ZNF221: variants seen among roughly 807,000 people sequenced by gnomAD.
ZNF221 encodes zinc finger protein 221.
ZNF221 carries 10 observed loss-of-function variants against 12.6 expected under a neutral mutation model. The observed-to-expected ratio is 0.79, with a 90% CI of 0.49 to 1.34. The LOEUF (loss-of-function observed/expected upper bound fraction) is 1.34, where lower values mean the gene tolerates loss of function less well. Ranked by LOEUF, ZNF221 falls within the 40% of genes most tolerant of loss-of-function variation. ZNF221 has a pLI of 0.00. For synonymous variants in ZNF221, 232 were observed against 244.0 expected (o/e 0.95, Z 0.46); for missense variants, 661 against 721.4 (o/e 0.92, Z 0.96).
chr19:43,971,466 C>A (rs1360948319), downstream of ZNF221, among the ~76,000 whole-genome samples: 1 of 152,042 alleles, frequency 6.6e-6, no homozygotes, highest in African/African-American at 2.4e-5. Context: ...GAAGTGCAAG[C>A]TGGATAAAGA....
downstream of ZNF221, among the ~76,000 whole-genome samples, chr19:43,971,484 C>T (rs1312496836): frequency 6.6e-6 from 1 of 152,036 alleles, no homozygotes; most frequent in Non-Finnish European, 1.5e-5. Flanking sequence ...AGAGCCAAGA[C>T]CGATTGATAC....
Position 43,967,354 on chromosome 19 carries a change from T to C in ZNF221, c.1852T>C (p.Ter618GlnextTer2), listed in dbSNP as rs1974995456. 1 of 1,607,368 alleles carries C rather than the reference T, an allele frequency of 6.2e-7. No homozygotes were observed. Among genetic ancestry groups the C allele is most frequent in the Non-Finnish European group, 8.5e-7 (1 of 1,176,458 alleles). The change falls in exon 5 of 5, where the codon TAA (stop) becomes CAA (glutamine). Residue 618 changes from the stop codon to glutamine (Q), a stop_lost. Transcript: ENST00000587682. The part of the protein sequence containing the change: ...SVSLCGRKAI[*>Q] Reference sequence around the variant, plus strand: ...AAGTCTATGTGGGAGAAAAGCCATATAAATGTGAGAAGTGTGGGAAGGGCT... The same window carrying C: ...AAGTCTATGTGGGAGAAAAGCCATACAAATGTGAGAAGTGTGGGAAGGGCT...
intron 1 of ZNF221, 118 bp from the exon 2 acceptor site, chr19:43,962,607 A>G (rs1974863739): frequency 2.0e-6 from 2 of 990,044 alleles, no homozygotes; most frequent in Admixed American, 1.9e-5. Flanking sequence ...GTTTGGGGTT[A>G]TGAGTAATGC....
the ZNF221 span, among the ~76,000 whole-genome samples, chr19:43,975,277 C>G: frequency 6.6e-6 from 1 of 152,106 alleles, no homozygotes; most frequent in Non-Finnish European, 1.5e-5. Context: ...TTCAAAATAA[C>G]AAAGACATGG....
chr19:43,979,755 T>G, the ZNF221 span, among the ~76,000 whole-genome samples: 1 of 152,196 alleles, frequency 6.6e-6, no homozygotes, highest in Non-Finnish European at 1.5e-5. Flanking sequence ...GTTTCAACGC[T>G]GACCAAAAGA....
At chr19:43,961,688 G>A (rs778644443) in intron 1 of ZNF221, 4 of 152,204 alleles carry the variant, frequency 2.6e-5, no homozygotes, top group Non-Finnish European at 5.9e-5. Context: ...GCTTTTAGGT[G>A]TCACATTTCT....
downstream of ZNF221, among the ~76,000 whole-genome samples, chr19:43,970,033 C>A (rs1037657702): frequency 2.0e-5 from 3 of 152,144 alleles, no homozygotes; most frequent in Admixed American, 6.5e-5. Flanking sequence ...GTCAGTATCC[C>A]CCTGGGACAG....
chr19:43,969,334 CTTTTTTTTTTTTTTTTTT>C (rs60512580), downstream of ZNF221, among the ~76,000 whole-genome samples: 4 of 57,968 alleles, frequency 6.9e-5, no homozygotes, highest in Non-Finnish European at 1.2e-4. Context: ...CAGACTGCTG[CTTTTTTTTTTTTTTTTTT>C]TTTTTTTTTT....
chr19:43,951,565 G>A lies in ZNF221; in HGVS notation c.-3+165G>A, dbSNP rs139096920. ...ATCCGCATCCCTCCACTACTGGCGCGGGGCCGATTCCCCCGGTACAACGTT... is the reference window on the plus strand; with the variant it reads ...ATCCGCATCCCTCCACTACTGGCGCAGGGCCGATTCCCCCGGTACAACGTT... On this transcript the variant is annotated intron_variant, in intron 1 of 4. Transcript: ENST00000587682. 4.4e-4 allele frequency among the ~76,000 whole-genome samples: 67 copies of A among 152,272 alleles called. No homozygotes were observed. The East Asian group carries it at 0.013, about 29-fold the overall frequency.
the ZNF221 span, among the ~76,000 whole-genome samples, chr19:43,977,956 G>T: frequency 6.6e-6 from 1 of 152,074 alleles, no homozygotes; most frequent in Non-Finnish European, 1.5e-5. Flanking sequence ...ATCTGTAAAG[G>T]GAAATGGCTC....
intron 1 of ZNF221, among the ~76,000 whole-genome samples, chr19:43,955,508 G>C (rs1974741518): frequency 6.6e-6 from 1 of 152,126 alleles, no homozygotes; most frequent in Non-Finnish European, 1.5e-5. Context: ...GCATCAACAG[G>C]TCCTACTTTA....
At position 43,967,184 on chromosome 19, in the gene ZNF221, C is replaced by T; in HGVS notation, c.1682C>T (p.Pro561Leu). 1 of 1,593,352 alleles carries T rather than the reference C, an allele frequency of 6.3e-7. No individual in the cohort carries two copies. The highest frequency in any genetic ancestry group is 2.3e-5 in the East Asian group (1 of 43,026). The change falls in exon 5 of 5, where the codon CCC (proline) becomes CTC (leucine). Residue 561 changes from proline to leucine, a missense_variant. Physicochemically the swap from Pro to Leu is moderately conservative, Grantham distance 98. Coordinates refer to ENST00000587682, the MANE Select transcript of ZNF221 (RefSeq NM_001297588.2). ...CAGAGGGTCCACGGGGGAGAGCGAC[C>T]CTATAATTGTAAGGAATGTGGAAAG... ...MHQRVHGGER[P>L]YNCKECGKSF... is the part of the protein sequence containing the mutation.
chr19:43,965,423 C>G, intron 4 of ZNF221, 98 bp downstream of exon 4: 1 of 1,096,432 alleles, frequency 9.1e-7, no homozygotes, highest in Non-Finnish European at 1.3e-6. Context: ...AATTGCCAAA[C>G]TTCTTTCATA....
chr19:43,967,370 G>A lies in ZNF221; in HGVS notation c.*14G>A, dbSNP rs138765388. ...AAAGCCATATAAATGTGAGAAGTGT[G>A]GGAAGGGCTTTGGCTGGGCCTCAAC... On this transcript the variant is annotated 3_prime_UTR_variant, in exon 5 of 5. Coordinates refer to ENST00000587682, the MANE Select transcript of ZNF221 (RefSeq NM_001297588.2). The A allele has an allele frequency of 1.0e-5, 16 of 1,595,762 alleles. No individual in the cohort carries two copies. The highest frequency in any genetic ancestry group is 1.4e-5 in the Non-Finnish European group (16 of 1,169,440).
downstream of ZNF221, among the ~76,000 whole-genome samples, chr19:43,970,065 G>A (rs1015802080): frequency 1.3e-5 from 2 of 152,124 alleles, no homozygotes; most frequent in Non-Finnish European, 2.9e-5. Flanking sequence ...GAAGGAGAAG[G>A]CTGCCATCTT....
intron 1 of ZNF221, among the ~76,000 whole-genome samples, chr19:43,956,628 G>A (rs1974759696): frequency 6.6e-6 from 1 of 152,074 alleles, no homozygotes; most frequent in Admixed American, 6.6e-5. Context: ...AATTCCAAGT[G>A]GGGTTTCTCA....
At chr19:43,952,022 C>T (rs1974680876) in intron 1 of ZNF221, among the ~76,000 whole-genome samples, 1 of 151,100 alleles carries the variant, frequency 6.6e-6, no homozygotes, top group Non-Finnish European at 1.5e-5. Flanking sequence ...TACAGGCGCC[C>T]GCTACCACGC....
intron 2 of ZNF221, among the ~76,000 whole-genome samples, chr19:43,963,884 A>G (rs2147341793): frequency 6.6e-6 from 1 of 152,344 alleles, no homozygotes; most frequent in African/African-American, 2.4e-5. Flanking sequence ...TAAGGAGAAT[A>G]AGGGTACTTG....
chr19:43,962,653 G>T (rs1194736654), intron 1 of ZNF221, 72 bp from the exon 2 acceptor site: 2 of 1,400,002 alleles, frequency 1.4e-6, no homozygotes, highest in Non-Finnish European at 2.0e-6. Flanking sequence ...GAAAATACTT[G>T]TCTATGTTGG....
Sources: gnomAD v4.1 joint callset for allele counts (sites outside exome capture counted in the v4.1 genomes callset) on GRCh38, gnomAD v4.1.1 for gene constraint, MANE v1.5 for transcripts, NCBI Gene and HGNC (gene_info 2026-07-23, HGNC 2026-07-21) for gene names.